Variants in CADPS observed in about 807,000 individuals in gnomAD.
CADPS encodes the protein calcium-dependent secretion activator 1.
A neutral mutation model predicts 167.3 loss-of-function variants in CADPS; 57 were observed. The ratio of observed to expected loss-of-function variants is 0.34; its 90% CI spans 0.28 to 0.42. The LOEUF is 0.42. Among genes scored for constraint, CADPS ranks in the 20% least tolerant of loss-of-function variants. The pLI is 1.00. For synonymous variants in CADPS, 676 were observed against 635.3 expected (o/e 1.06, Z -0.96); for missense variants, 1,414 against 1,738.1 (o/e 0.81, Z 3.32).
At chr3:62,769,223 C>T (rs545960280) in intron 1 of CADPS, among the ~76,000 whole-genome samples, 2 of 139,234 alleles carry the variant, frequency 1.4e-5, no homozygotes, top group East Asian at 3.9e-4. Context: ...GATTAATTCT[C>T]ATCTTTTTTT....
At chr3:62,740,125 C>T (rs1001367278) in intron 3 of CADPS, among the ~76,000 whole-genome samples, 7 of 152,186 alleles carry the variant, frequency 4.6e-5, no homozygotes, top group Admixed American at 1.3e-4. Flanking sequence ...CTATGGGTTG[C>T]TTCGGAGTTG....
At chr3:62,776,942 C>T (rs957518418) in intron 1 of CADPS, among the ~76,000 whole-genome samples, 1 of 152,016 alleles carries the variant, frequency 6.6e-6, no homozygotes, top group Non-Finnish European at 1.5e-5. Flanking sequence ...TCTTGGAGGA[C>T]ACAGCAAGAA....
intron 3 of CADPS, among the ~76,000 whole-genome samples, chr3:62,680,992 C>T (rs907861957): frequency 1.3e-5 from 2 of 152,012 alleles, no homozygotes; most frequent in African/African-American, 4.8e-5. Flanking sequence ...AGCCTCCACT[C>T]CCGCCATGTT....
intron 1 of CADPS, among the ~76,000 whole-genome samples, chr3:62,808,596 C>T (rs2094230561): frequency 1.3e-5 from 2 of 152,124 alleles, no homozygotes; most frequent in Non-Finnish European, 2.9e-5. Context: ...CCCTGACCTT[C>T]CTTCCCAGAA....
intron 18 of CADPS, among the ~76,000 whole-genome samples, chr3:62,496,581 T>A (rs1243458918): frequency 6.6e-6 from 1 of 152,238 alleles, no homozygotes. Context: ...GAGTGCTCAC[T>A]TTGTGCCAGG....
At chr3:62,622,865 C>T (rs531501648) in intron 6 of CADPS, among the ~76,000 whole-genome samples, 74 of 152,314 alleles carry the variant, frequency 4.9e-4, no homozygotes, top group African/African-American at 1.6e-3. Context: ...TTTAATCCTG[C>T]GCTTCCAAGT....
chr3:62,832,392 C>G (rs777496619), intron 1 of CADPS, among the ~76,000 whole-genome samples: 46 of 152,202 alleles, frequency 3.0e-4, no homozygotes, highest in Non-Finnish European at 6.0e-4. Context: ...CAAGGCCACA[C>G]AGAATAATAA....
chr3:62,714,160 T>C (rs1194132845), intron 3 of CADPS, among the ~76,000 whole-genome samples: 1 of 152,098 alleles, frequency 6.6e-6, no homozygotes, highest in Admixed American at 6.6e-5. Context: ...AGGTCACAGC[T>C]AGTTGGTACA....
chr3:62,468,403 C>T (rs2060190129), intron 24 of CADPS, among the ~76,000 whole-genome samples: 1 of 152,100 alleles, frequency 6.6e-6, no homozygotes, highest in Non-Finnish European at 1.5e-5. Flanking sequence ...CAAAGAAGAA[C>T]ATCATTGAGA....
chr3:62,499,434 TTTA>T (rs1490712835), intron 17 of CADPS, 166 bp from the exon 18 acceptor site: 38 of 504,154 alleles, frequency 7.5e-5, no homozygotes, highest in Admixed American at 1.3e-4. Flanking sequence ...ATAAAGCCAT[TTTA>T]TTATTATCAC....
intron 3 of CADPS, among the ~76,000 whole-genome samples, chr3:62,705,534 A>C (rs1431051945): frequency 6.6e-6 from 1 of 152,124 alleles, no homozygotes; most frequent in African/African-American, 2.4e-5. Flanking sequence ...AGGCAGACCC[A>C]CATGCAATCT....
chr3:62,657,859 G>A (rs1041583714), intron 4 of CADPS, among the ~76,000 whole-genome samples: 1 of 152,114 alleles, frequency 6.6e-6, no homozygotes, highest in Non-Finnish European at 1.5e-5. Context: ...ATGTGATGAT[G>A]AGAATGCTGC....
chr3:62,628,574 A>G (rs1206512631), intron 6 of CADPS, among the ~76,000 whole-genome samples: 5 of 133,324 alleles, frequency 3.8e-5, no homozygotes, highest in African/African-American at 1.3e-4. Flanking sequence ...TACTGCTTCT[A>G]CTCCTTTACA....
chr3:62,837,931 A>G (rs564737430), intron 1 of CADPS, among the ~76,000 whole-genome samples: 1 of 152,332 alleles, frequency 6.6e-6, no homozygotes, highest in South Asian at 2.1e-4. Context: ...AATGTGATTA[A>G]AGATGGATTA....
At chr3:62,837,410 A>T (rs1042263278) in intron 1 of CADPS, among the ~76,000 whole-genome samples, 2 of 152,202 alleles carry the variant, frequency 1.3e-5, no homozygotes, top group African/African-American at 2.4e-5. Context: ...AGAGAACTAC[A>T]GCATCAGCAA....
intron 26 of CADPS, among the ~76,000 whole-genome samples, chr3:62,447,671 G>A (rs969063598): frequency 1.3e-5 from 2 of 152,144 alleles, no homozygotes; most frequent in Non-Finnish European, 2.9e-5. Context: ...CCACGTCACT[G>A]ATCAGTCTGA....
chr3:62,561,065 C>T (rs945650127), intron 9 of CADPS, among the ~76,000 whole-genome samples: 47 of 103,816 alleles, frequency 4.5e-4, no homozygotes, highest in African/African-American at 1.7e-3. Context: ...GGAGAAAGAG[C>T]GAAACTCCAT....
At chr3:62,686,926 C>G (rs1189736697) in intron 3 of CADPS, among the ~76,000 whole-genome samples, 1 of 152,058 alleles carries the variant, frequency 6.6e-6, no homozygotes, top group African/African-American at 2.4e-5. Flanking sequence ...ATCCTTTGTT[C>G]CTCCCCACAT....
At chr3:62,793,310 G>C (rs1385364754) in intron 1 of CADPS, among the ~76,000 whole-genome samples, 1 of 151,930 alleles carries the variant, frequency 6.6e-6, no homozygotes, top group African/African-American at 2.4e-5. Context: ...TTTGTAACTG[G>C]GTCTTCTTCA....
Sources: gnomAD v4.1 joint callset for allele counts (sites outside exome capture counted in the v4.1 genomes callset) on GRCh38, gnomAD v4.1.1 for gene constraint, MANE v1.5 for transcripts, NCBI Gene and HGNC (gene_info 2026-07-23, HGNC 2026-07-21) for gene names.